The following DDAH1 variants were observed in gnomAD, a reference collection of about 807,000 sequenced individuals.
DDAH1 encodes N(G),N(G)-dimethylarginine dimethylaminohydrolase 1.
DDAH1 carries 19 observed loss-of-function variants against 28.8 expected under a neutral mutation model. The observed-to-expected ratio is 0.66, with a 90% confidence interval of 0.46 to 0.97. The LOEUF is 0.97. DDAH1 is among the 50% of genes least tolerant of loss of function. The probability of loss-of-function intolerance (pLI) is 0.00; values close to 1 mark genes in which losing one functional copy is unlikely to be tolerated. For missense variants in DDAH1, 326 were observed against 375.9 expected (o/e 0.87, Z 1.10); for synonymous variants, 153 against 154.4 (o/e 0.99, Z 0.07).
chr1:85,403,390 A>C (rs1652249766), intron 1 of DDAH1, among the ~76,000 whole-genome samples: 2 of 152,140 alleles, frequency 1.3e-5, no homozygotes, highest in Admixed American at 1.3e-4. Context: ...ACTGTACTTA[A>C]AATGTACTTG....
intron 2 of DDAH1, among the ~76,000 whole-genome samples, chr1:85,477,915 T>C (rs994934433): frequency 6.6e-6 from 1 of 152,098 alleles, no homozygotes; most frequent in Non-Finnish European, 1.5e-5. Flanking sequence ...GCTTCTATTC[T>C]CTATTCAGTT....
chr1:85,466,832 C>CTTTTTTTGTTTTTTTT (rs1655400144), upstream of DDAH1, among the ~76,000 whole-genome samples: 1 of 70,738 alleles, frequency 1.4e-5, no homozygotes, highest in Non-Finnish European at 2.4e-5. Flanking sequence ...ATTATTTATT[C>CTTTTTTTGTTTTTTTT]TTTTTTTTTT....
chr1:85,388,687 T>C (rs17126791), intron 1 of DDAH1, among the ~76,000 whole-genome samples: 6,135 of 152,254 alleles, frequency 0.04, 425 homozygotes, highest in African/African-American at 0.14. Context: ...CTTATCTGGA[T>C]GTAGCACCCA....
At chr1:85,353,425 T>C (rs905979777) in intron 2 of DDAH1, among the ~76,000 whole-genome samples, 2 of 152,200 alleles carry the variant, frequency 1.3e-5, no homozygotes, top group African/African-American at 2.4e-5. Context: ...AATGTCCTTA[T>C]TAAACGGGCA....
At chr1:85,525,638 C>T (rs1408251798) in intron 1 of DDAH1, among the ~76,000 whole-genome samples, 1 of 151,436 alleles carries the variant, frequency 6.6e-6, no homozygotes, top group Non-Finnish European at 1.5e-5. Flanking sequence ...GAGGCTCTTA[C>T]ATCTGCAAGA....
rs567458482 is a variant in DDAH1, at chr1:85,559,190, T to G, written c.-123+18794A>C. Reference sequence around the variant, plus strand: ...GAAATTGCACACCTGACTTTTCACTTTGACTAGTAGAGAGCCCTCAGTGTC... The same window carrying G: ...GAAATTGCACACCTGACTTTTCACTGTGACTAGTAGAGAGCCCTCAGTGTC... On this transcript the variant is annotated intron_variant, in intron 1 of 6. Transcript: ENST00000426972. 7.9e-5 allele frequency among the ~76,000 whole-genome samples: 12 copies of G among 152,318 alleles called. No homozygotes were observed. In the South Asian group the frequency reaches 1.9e-3, roughly 24 times the overall value.
chr1:85,498,729 G>C (rs1323715301), intron 1 of DDAH1, among the ~76,000 whole-genome samples: 2 of 152,132 alleles, frequency 1.3e-5, no homozygotes, highest in Non-Finnish European at 2.9e-5. Flanking sequence ...GACTAGCCTG[G>C]ACAACGTGGT....
rs74098806 is a variant in DDAH1, at chr1:85,361,931, C to T, written c.304-3084G>A. Among the ~76,000 whole-genome samples the T allele has an allele frequency of 6.1e-3, 923 of 152,292 alleles. 9 individuals carry two copies. The highest frequency in any genetic ancestry group is 0.021 in the African/African-American group (890 of 41,534). Reference sequence around the variant, plus strand: ...GGTCATTAAATACATACAAGTCACACAGTATTTGCTGAATAAATATTGTAT... The same window carrying T: ...GGTCATTAAATACATACAAGTCACATAGTATTTGCTGAATAAATATTGTAT... On this transcript the variant is annotated intron_variant, in intron 1 of 5. Coordinates refer to ENST00000284031, the MANE Select transcript of DDAH1 (RefSeq NM_012137.4).
At chr1:85,332,170 C>T (rs1252328580) in intron 4 of DDAH1, among the ~76,000 whole-genome samples, 1 of 152,174 alleles carries the variant, frequency 6.6e-6, no homozygotes, top group Non-Finnish European at 1.5e-5. Context: ...TTAGAAAGCC[C>T]ATTTCCCACC....
At chr1:85,469,902 T>A (rs1303455241), upstream of DDAH1, among the ~76,000 whole-genome samples, 1 of 152,242 alleles carries the variant, frequency 6.6e-6, no homozygotes, top group Non-Finnish European at 1.5e-5. Context: ...TTCCTTTAAA[T>A]TCCCTCTGTT....
Position 85,392,811 on chromosome 1 carries a change from A to AG in DDAH1, c.304-33965_304-33964insC, listed in dbSNP as rs1157205488. 7.7e-3 allele frequency among the ~76,000 whole-genome samples: 1,081 copies of AG among 139,710 alleles called. 127 individuals carry two copies. The highest frequency in any genetic ancestry group is 0.065 in the Admixed American group (876 of 13,382). 91.7% of individuals were successfully genotyped at this position (139,710 alleles called of 152,430 possible). ...TGTCTAAAAAAAAAAAAAAAAAAAA[A>AG]AAAAAAGAAAGAAAATGAACCCCTG... On this transcript the variant is annotated intron_variant, in intron 1 of 5. Transcript: ENST00000284031.
chr1:85,458,757 A>G (rs558049749), intron 1 of DDAH1, among the ~76,000 whole-genome samples: 1 of 152,318 alleles, frequency 6.6e-6, no homozygotes, highest in South Asian at 2.1e-4. Context: ...ATGGAAGTTC[A>G]GAGGATTCAG....
intron 1 of DDAH1, among the ~76,000 whole-genome samples, chr1:85,500,139 TTTCTTTCTTTTC>T (rs1416334591): frequency 9.1e-5 from 9 of 99,234 alleles, no homozygotes; most frequent in African/African-American, 2.3e-4. Flanking sequence ...TCTTTCTTTC[TTTCTTTCTTTTC>T]TTTCTTTCTT....
rs562734135 is a variant in DDAH1 at position 85,437,315 on chromosome 1, G to A, written c.303+27428C>T. ...CCGAGTCTTCCCAGTATCAACTGCC[G>A]GATATTTAAATAATTATAGTTGACC... On this transcript the variant is annotated intron_variant, in intron 1 of 5. Transcript: ENST00000284031. Among the ~76,000 whole-genome samples, 10 of 152,116 alleles carry A rather than the reference G, an allele frequency of 6.6e-5. No individual in the cohort carries two copies. The East Asian group carries it at 9.6e-4, about 15-fold the overall frequency.
At chr1:85,518,437 C>G (rs2604076) in intron 1 of DDAH1, among the ~76,000 whole-genome samples, 1 of 152,144 alleles carries the variant, frequency 6.6e-6, no homozygotes, top group Non-Finnish European at 1.5e-5. Flanking sequence ...GTTGTAAGAC[C>G]GAGATCTCTC....
At chr1:85,465,900 T>G (rs1655362337), upstream of DDAH1, among the ~76,000 whole-genome samples, 1 of 152,184 alleles carries the variant, frequency 6.6e-6, no homozygotes, top group Admixed American at 6.5e-5. Context: ...CCTTTTAAAA[T>G]CATAGTATCC....
rs375246165 is a variant in DDAH1, at chr1:85,403,038, A to G, written c.304-44191T>C. Among the ~76,000 whole-genome samples, 15 of 152,066 alleles carry G rather than the reference A, an allele frequency of 9.9e-5. No homozygotes were observed. In the East Asian group the frequency reaches 2.7e-3, roughly 27 times the overall value. On this transcript the variant is annotated intron_variant, in intron 1 of 5. Coordinates refer to ENST00000284031, the MANE Select transcript of DDAH1 (RefSeq NM_012137.4). ...CATGGAGGAGTGTCTGTTCCAAGTG[A>G]TAAGAAGGGATCTGTGTGTGTTGGC...
intron 1 of DDAH1, among the ~76,000 whole-genome samples, chr1:85,457,394 T>C (rs987084955): frequency 6.6e-6 from 1 of 152,044 alleles, no homozygotes; most frequent in Non-Finnish European, 1.5e-5. Context: ...CTGAGGTCTG[T>C]CATAAAATCT....
At chr1:85,549,319 T>A (rs541043157) in intron 1 of DDAH1, among the ~76,000 whole-genome samples, 2 of 152,322 alleles carry the variant, frequency 1.3e-5, no homozygotes, top group Admixed American at 1.3e-4. Context: ...AATTTTACCA[T>A]CCTCAGAACC....
Sources: gnomAD v4.1 joint callset for allele counts (sites outside exome capture counted in the v4.1 genomes callset) on GRCh38, gnomAD v4.1.1 for gene constraint, MANE v1.5 for transcripts, NCBI Gene and HGNC (gene_info 2026-07-23, HGNC 2026-07-21) for gene names.